Variants in DGKD observed in about 807,000 individuals in gnomAD.
DGKD encodes the protein DAG kinase delta.
DGKD carries 68 observed loss-of-function variants against 154.4 expected under a neutral mutation model. The ratio of observed to expected loss-of-function variants is 0.44; its 90% confidence interval spans 0.36 to 0.54. The LOEUF (loss-of-function observed/expected upper bound fraction) is 0.54, where lower values mean the gene tolerates loss of function less well. Ranked by LOEUF, DGKD falls within the 20% of genes least tolerant of loss-of-function variation. DGKD has a pLI of 0.00. For missense variants in DGKD, 1,343 were observed against 1,593.6 expected, an observed-to-expected ratio of 0.84 and a Z score of 2.68; for synonymous variants, 693 against 638.0, an observed-to-expected ratio of 1.09 and a Z score of -1.30.
At chr2:233,382,166 G>A (rs919825960) in intron 1 of DGKD, among the ~76,000 whole-genome samples, 5 of 152,136 alleles carry the variant, frequency 3.3e-5, no homozygotes, top group Admixed American at 2.6e-4. Context: ...CCTGGGAGGC[G>A]GAGGTTGCAG....
chr2:233,415,133 C>T (rs2061929407), intron 3 of DGKD, among the ~76,000 whole-genome samples: 1 of 152,224 alleles, frequency 6.6e-6, no homozygotes, highest in South Asian at 2.1e-4. Context: ...AAGAGCAAAA[C>T]TTGAGAGCAC....
intron 1 of DGKD, chr2:233,379,700 T>G (rs13384932): frequency 0.09 from 13,665 of 152,208 alleles, 708 homozygotes; most frequent in African/African-American, 0.14. Flanking sequence ...AAACTTGGTG[T>G]GCTTAGGAAC....
intron 1 of DGKD, among the ~76,000 whole-genome samples, chr2:233,377,936 C>T (rs1339364559): frequency 6.6e-6 from 1 of 152,080 alleles, no homozygotes; most frequent in Non-Finnish European, 1.5e-5. Context: ...ACCTCAGCCT[C>T]TCAAGTAGCT....
chr2:233,395,808 A>T (rs1352856137), intron 3 of DGKD, among the ~76,000 whole-genome samples: 2 of 152,066 alleles, frequency 1.3e-5, no homozygotes, highest in East Asian at 3.9e-4. Flanking sequence ...TGTTCAGATT[A>T]CAGGCATGAG....
intron 3 of DGKD, among the ~76,000 whole-genome samples, chr2:233,399,696 G>C (rs1249183298): frequency 6.6e-6 from 1 of 152,188 alleles, no homozygotes; most frequent in Non-Finnish European, 1.5e-5. Flanking sequence ...AGATTTTAAA[G>C]CAGGGTGGTA....
chr2:233,359,076 A>G (rs559633781), intron 1 of DGKD, among the ~76,000 whole-genome samples: 1 of 152,372 alleles, frequency 6.6e-6, no homozygotes, highest in South Asian at 2.1e-4. Flanking sequence ...GATACTAGCC[A>G]TCCTAGTAGG....
chr2:233,382,639 C>T (rs1489961872), intron 1 of DGKD, among the ~76,000 whole-genome samples: 1 of 152,178 alleles, frequency 6.6e-6, no homozygotes, highest in Admixed American at 6.5e-5. Context: ...TTCACCCCCA[C>T]GTGGCAGCTG....
rs1177583298 is a variant in DGKD, at chr2:233,463,615, ATCTCC to A, written c.3187-546_3187-542del. 3.5e-5 allele frequency among the ~76,000 whole-genome samples: 5 copies of A among 143,264 alleles called. No homozygotes were observed. In the East Asian group the frequency reaches 6.6e-4, roughly 19 times the overall value. 94.0% of individuals were successfully genotyped at this position (143,264 alleles called of 152,430 possible). ...CTCCACGCATCTCCTCACTCCACGC[ATCTCC>A]TCACTCCACGCATCTCCTCACTCCA... On this transcript the variant is annotated intron_variant, in intron 26 of 29. Transcript: ENST00000264057.
At chr2:233,469,045 C>T (rs1466711501) in intron 29 of DGKD, among the ~76,000 whole-genome samples, 3 of 152,302 alleles carry the variant, frequency 2.0e-5, no homozygotes, top group South Asian at 2.1e-4. Context: ...GGCTGAGTCC[C>T]GAGAGGGCAA....
chr2:233,458,288 T>C lies in DGKD; in HGVS notation c.2585T>C (p.Phe862Ser). ...GCTCTAACGTGTCCCTTGCAGACTTTCGCAGCTCCATCATTCGATGACAAG... is the reference window on the plus strand; with the variant it reads ...GCTCTAACGTGTCCCTTGCAGACTTCCGCAGCTCCATCATTCGATGACAAG... ...FWGGTKEDDT[F>S]AAPSFDDKIL... The change falls in exon 22 of 30, where the codon TTC (phenylalanine) becomes TCC (serine). Residue 862 changes from phenylalanine to serine, a missense_variant. By Grantham distance (155) the Phe-to-Ser change is radical. Around this residue, in one of 6 missense-constraint regions of DGKD, gnomAD observed 429 missense variants for 496.3 expected, o/e 0.86. Coordinates refer to ENST00000264057, the MANE Select transcript of DGKD (RefSeq NM_152879.3). This position sits in a 1 kb window ranked among gnomAD's most constrained non-coding sequence, Gnocchi z 6.6. 1.9e-6 allele frequency: 3 copies of C among 1,611,740 alleles called. No individual in the cohort carries two copies. The highest frequency in any genetic ancestry group is 2.5e-6 in the Non-Finnish European group (3 of 1,178,794).
Position 233,459,988 on chromosome 2 carries a change from C to G in DGKD, c.2829+97C>G. On this transcript the variant is annotated intron_variant, in intron 23 of 29. Transcript: ENST00000264057. This position sits in a 1 kb window ranked among gnomAD's most constrained non-coding sequence, Gnocchi z 5.7. ...GAGCTGGAGCTTTTTGTGTTTTGTTCTAGGATTTTTTTTTTTTTTAAGACA... is the reference window on the plus strand; with the variant it reads ...GAGCTGGAGCTTTTTGTGTTTTGTTGTAGGATTTTTTTTTTTTTTAAGACA... The G allele has an allele frequency of 2.1e-6, 3 of 1,453,730 alleles. No homozygotes were observed. The highest frequency in any genetic ancestry group is 1.5e-5 in the South Asian group (1 of 68,058). 90.1% of individuals were successfully genotyped at this position (1,453,730 alleles called of 1,614,324 possible). A position where few individuals can be genotyped will look rare whatever the true frequency, so the allele number is the denominator to read the frequency against.
At chr2:233,383,198 G>A (rs573970611) in intron 1 of DGKD, among the ~76,000 whole-genome samples, 1 of 152,114 alleles carries the variant, frequency 6.6e-6, no homozygotes, top group Non-Finnish European at 1.5e-5. Context: ...CCGCCACCAT[G>A]CCCAGCTAAT....
At chr2:233,434,059 G>A (rs368596307) in intron 3 of DGKD, among the ~76,000 whole-genome samples, 4 of 152,140 alleles carry the variant, frequency 2.6e-5, no homozygotes, top group African/African-American at 7.2e-5. Flanking sequence ...TCCACTGTTC[G>A]GAAAACAACA....
At chr2:233,408,453 G>T (rs1413063577) in intron 3 of DGKD, among the ~76,000 whole-genome samples, 3 of 152,250 alleles carry the variant, frequency 2.0e-5, no homozygotes, top group Admixed American at 1.3e-4. Context: ...AAGTCCTCTT[G>T]AGTGTGAAGT....
intron 26 of DGKD, chr2:233,463,928 G>GA (rs2063747450): frequency 1.8e-6 from 1 of 541,402 alleles, no homozygotes; most frequent in Non-Finnish European, 3.3e-6. Flanking sequence ...TGTCAGCCTT[G>GA]CTCTATGTGA....
At chr2:233,397,117 A>G in intron 3 of DGKD, among the ~76,000 whole-genome samples, 1 of 88,862 alleles carries the variant, frequency 1.1e-5, no homozygotes, top group African/African-American at 3.6e-5. Context: ...TGGCTGGCAG[A>G]GGCCAGAGTG....
At position 233,449,652 on chromosome 2, in the gene DGKD, G is replaced by GA. The variant is rs1234153633; in HGVS notation, c.1888+277dup. On this transcript the variant is annotated intron_variant, in intron 15 of 29. Transcript: ENST00000264057. This position sits in a 1 kb window ranked among gnomAD's most constrained non-coding sequence, Gnocchi z 5.3. ...AGCGTCTCACTCCCGTGAGAGCCTT[G>GA]AGGTCACGGCCTCACACCCGCACAC... 2.0e-5 allele frequency among the ~76,000 whole-genome samples: 3 copies of GA among 152,090 alleles called. No homozygotes were observed. The highest frequency in any genetic ancestry group is 4.4e-5 in the Non-Finnish European group (3 of 68,026).
At position 233,457,033 on chromosome 2, in the gene DGKD, C is replaced by A; in HGVS notation, c.2472+38C>A. Reference sequence around the variant, plus strand: ...GTCCTTGTCACCTGCAGGCTGGCCTCCATCCATCAGCAGACTGCCAGGCCT... The same window carrying A: ...GTCCTTGTCACCTGCAGGCTGGCCTACATCCATCAGCAGACTGCCAGGCCT... On this transcript the variant is annotated intron_variant, in intron 20 of 29. Coordinates refer to ENST00000264057, the MANE Select transcript of DGKD (RefSeq NM_152879.3). The surrounding 1 kb of genome is among the most constrained non-coding windows in gnomAD (Gnocchi z 5.5). The A allele has an allele frequency of 6.5e-7, 1 of 1,539,268 alleles. No homozygotes were observed. The highest frequency in any genetic ancestry group is 9.0e-7 in the Non-Finnish European group (1 of 1,112,192).
chr2:233,377,095 T>TTTTG lies in DGKD; in HGVS notation c.157-11161_157-11158dup, dbSNP rs1702616898. Reference sequence around the variant, plus strand: ...GCATGTTCCTTTTTTTTTTTTTTTTTTTTGGAGACGGAGTTTCACTCTTGT... The same window carrying TTTTG: ...GCATGTTCCTTTTTTTTTTTTTTTTTTTTGTTTGGAGACGGAGTTTCACTCTTGT... On this transcript the variant is annotated intron_variant, in intron 1 of 29. Coordinates refer to ENST00000264057, the MANE Select transcript of DGKD (RefSeq NM_152879.3). Among the ~76,000 whole-genome samples the TTTTG allele has an allele frequency of 2.0e-5, 3 of 150,844 alleles. No individual in the cohort carries two copies. The South Asian group carries it at 6.3e-4, about 32-fold the overall frequency.
Sources: allele counts gnomAD v4.1 joint callset (sites outside exome capture counted in the v4.1 genomes callset), GRCh38; gene constraint gnomAD v4.1.1; regional missense constraint gnomAD v4.1.1; non-coding constraint Gnocchi (gnomAD v3.1); transcripts MANE v1.5; gene names NCBI Gene and HGNC (gene_info 2026-07-23, HGNC 2026-07-21).